Variants in ANKRD13B observed in about 807,000 individuals in gnomAD.
ANKRD13B encodes the protein ankyrin repeat domain-containing protein 13B.
ANKRD13B carries 33 observed loss-of-function variants against 74.4 expected under a neutral mutation model. The ratio of observed to expected loss-of-function variants is 0.44; its 90% CI spans 0.34 to 0.59. The LOEUF is 0.59. Among genes scored for constraint, ANKRD13B ranks in the 20% least tolerant of loss-of-function variants. ANKRD13B has a pLI of 0.02. For missense variants in ANKRD13B, 676 were observed against 877.9 expected, an observed-to-expected ratio of 0.77 and a Z score of 2.91; for synonymous variants, 341 against 362.9, an observed-to-expected ratio of 0.94 and a Z score of 0.68.
chr17:29,600,393 C>G (rs1031069709), intron 1 of ANKRD13B, among the ~76,000 whole-genome samples: 1 of 152,130 alleles, frequency 6.6e-6, no homozygotes, highest in Non-Finnish European at 1.5e-5. Context: ...ACTTCCTACT[C>G]GGGTAGATAG....
rs567496901 is a variant in ANKRD13B at position 29,609,969 on chromosome 17, G to A, written c.822+548G>A. On this transcript the variant is annotated intron_variant, in intron 7 of 14. Transcript: ENST00000394859. This position sits in a 1 kb window ranked among gnomAD's most constrained non-coding sequence, Gnocchi z 4.0. ...AGCGCTTTGGGAGGCCGAGGTGAGC[G>A]GATCACCTGAGGTCAGTTCGAGACC... Among the ~76,000 whole-genome samples, 2 of 152,184 alleles carry A rather than the reference G, an allele frequency of 1.3e-5. No homozygotes were observed. Among genetic ancestry groups the A allele is most frequent in the South Asian group, 2.1e-4 (1 of 4,812 alleles).
chr17:29,609,077 G>A lies in ANKRD13B; in HGVS notation c.566-9G>A, dbSNP rs753574234. On this transcript the variant is annotated splice_polypyrimidine_tract_variant and intron_variant, in intron 5 of 14. Transcript: ENST00000394859. This position sits in a 1 kb window ranked among gnomAD's most constrained non-coding sequence, Gnocchi z 4.0. ...CCCTGATCCCCCTGTGCTGTTCCGT[G>A]TCTGGCAGACACAAGCGCCGTGGTC... The A allele has an allele frequency of 3.7e-6, 6 of 1,610,982 alleles. No homozygotes were observed. The highest frequency in any genetic ancestry group is 1.3e-5 in the African/African-American group (1 of 74,936).
Position 29,610,668 on chromosome 17 carries a change from T to A in ANKRD13B, c.823-17T>A, listed in dbSNP as rs370348552. ...AGACCAGAACTGCTTATGAGCCCTT[T>A]CTTCATCTGTCCCCAGGTGTATGGG... On this transcript the variant is annotated splice_polypyrimidine_tract_variant and intron_variant, in intron 7 of 14. Transcript: ENST00000394859. 186 of 1,613,242 alleles carry A rather than the reference T, an allele frequency of 1.2e-4. 1 individual carries two copies. Among genetic ancestry groups the A allele is most frequent in the South Asian group, 9.2e-4 (84 of 90,892 alleles).
In ANKRD13B at chr17:29,612,994, C is replaced by A; in HGVS notation, c.1652+31C>A. ...TGCCCGCTGGGCCGGAGAGAATCCT[C>A]CGGAGAGGATCCTGTCTCCCCTAAG... is the stretch of plus-strand genomic sequence containing the variant. On this transcript the variant is annotated intron_variant, in intron 14 of 14. Transcript: ENST00000394859. This position sits in a 1 kb window ranked among gnomAD's most constrained non-coding sequence, Gnocchi z 6.1. 6.3e-7 allele frequency: 1 copy of A among 1,585,340 alleles called. No individual in the cohort carries two copies. Among genetic ancestry groups the A allele is most frequent in the East Asian group, 2.3e-5 (1 of 44,094 alleles).
chr17:29,600,050 G>T (rs1030257333), intron 1 of ANKRD13B, among the ~76,000 whole-genome samples: 1 of 151,654 alleles, frequency 6.6e-6, no homozygotes, highest in African/African-American at 2.4e-5. Context: ...CTAATTTTTT[G>T]TATTTTTAGT....
intron 1 of ANKRD13B, among the ~76,000 whole-genome samples, chr17:29,606,532 T>G (rs576428698): frequency 5.3e-5 from 8 of 151,824 alleles, no homozygotes; most frequent in African/African-American, 1.9e-4. Context: ...CACTCTAGCC[T>G]GGGTGACACA....
intron 1 of ANKRD13B, 77 bp downstream of exon 1, chr17:29,593,812 G>A: frequency 4.7e-6 from 4 of 857,862 alleles, no homozygotes; most frequent in Non-Finnish European, 6.3e-6. Flanking sequence ...GGTGCGGCGC[G>A]GGCTGTCCCG....
intron 1 of ANKRD13B, among the ~76,000 whole-genome samples, chr17:29,603,094 C>T (rs2034240427): frequency 6.6e-6 from 1 of 152,232 alleles, no homozygotes; most frequent in Non-Finnish European, 1.5e-5. Context: ...TGTGATCCAC[C>T]CGCCTTGGCC....
chr17:29,603,926 G>A lies in ANKRD13B; in HGVS notation c.115-3816G>A, dbSNP rs185497920. On this transcript the variant is annotated intron_variant, in intron 1 of 14. Coordinates refer to ENST00000394859, the MANE Select transcript of ANKRD13B (RefSeq NM_152345.5). ...AGTCTCTCTCTCTGTTGCCCAGGCT[G>A]GAGTGCAGGGGCGCCATCTCGGCTC... is the stretch of plus-strand genomic sequence containing the variant. 7.5e-5 allele frequency among the ~76,000 whole-genome samples: 11 copies of A among 146,596 alleles called. No individual in the cohort carries two copies. The East Asian group carries it at 2.2e-3, about 30-fold the overall frequency.
In ANKRD13B at chr17:29,603,055, T is replaced by C. The variant is rs553994971; in HGVS notation, c.115-4687T>C. ...TAGTAAAAATGGGGTTTCACCATAT[T>C]GGCCAGGCTGGTCTCAAACTCCTGA... On this transcript the variant is annotated intron_variant, in intron 1 of 14. Transcript: ENST00000394859. Among the ~76,000 whole-genome samples, 11 of 152,272 alleles carry C rather than the reference T, an allele frequency of 7.2e-5. No individual in the cohort carries two copies. The South Asian group carries it at 2.1e-3, about 29-fold the overall frequency.
Position 29,608,210 on chromosome 17 carries a change from G to A in ANKRD13B, c.391G>A (p.Val131Met), listed in dbSNP as rs774030034. 2 of 1,614,170 alleles carry A rather than the reference G, an allele frequency of 1.2e-6. No homozygotes were observed. The highest frequency in any genetic ancestry group is 1.1e-5 in the South Asian group (1 of 91,072). Reference protein sequence around the residue: ...EKLRKAQDFYVEMKWEFTSWV... With the variant: ...EKLRKAQDFYMEMKWEFTSWV... ...CGTCCTCCAGGCCCAGGACTTCTAC[G>A]TGGAGATGAAATGGGAGTTCACTAG... Residue 131 changes from valine to methionine, a missense_variant, in exon 4 of 15, where the codon GTG (valine) becomes ATG (methionine). Val to Met is a conservative substitution (Grantham distance 21). This residue lies in a region of ANKRD13B where 328 missense variants were observed against 518.4 expected (regional missense o/e 0.63). Transcript: ENST00000394859. The surrounding 1 kb of genome is among the most constrained non-coding windows in gnomAD (Gnocchi z 6.4).
chr17:29,612,125 C>G lies in ANKRD13B; in HGVS notation c.1110C>G (p.Ala370=). 1 of 1,614,028 alleles carries G rather than the reference C, an allele frequency of 6.2e-7. No individual in the cohort carries two copies. The highest frequency in any genetic ancestry group is 8.5e-7 in the Non-Finnish European group (1 of 1,179,964). Residue 370 remains alanine (A), a synonymous_variant, in exon 11 of 15, where the codon GCC becomes GCG. Coordinates refer to ENST00000394859, the MANE Select transcript of ANKRD13B (RefSeq NM_152345.5). This position sits in a 1 kb window ranked among gnomAD's most constrained non-coding sequence, Gnocchi z 6.1. ...ELTTKTQKFK[A]KLWLCEEHPL... Reference sequence around the variant, plus strand: ...GATCTGGTGGGGGCAGGTTCAAGGCCAAGCTGTGGCTGTGTGAGGAGCATC... The same window carrying G: ...GATCTGGTGGGGGCAGGTTCAAGGCGAAGCTGTGGCTGTGTGAGGAGCATC...
rs575216103 is a variant in ANKRD13B, at chr17:29,611,127, C to T, written c.904+361C>T. ...GGGACCTTGCCACAGATTCTGTATG[C>T]CCATTGATGCCACACCTGATTCTCT... On this transcript the variant is annotated intron_variant, in intron 8 of 14. Transcript: ENST00000394859. This position sits in a 1 kb window ranked among gnomAD's most constrained non-coding sequence, Gnocchi z 4.3. Among the ~76,000 whole-genome samples the T allele has an allele frequency of 6.6e-6, 1 of 152,168 alleles. No homozygotes were observed. Among genetic ancestry groups the T allele is most frequent in the Non-Finnish European group, 1.5e-5 (1 of 68,038 alleles).
intron 1 of ANKRD13B, among the ~76,000 whole-genome samples, chr17:29,601,594 G>T (rs1346377920): frequency 6.6e-6 from 1 of 151,994 alleles, no homozygotes; most frequent in Admixed American, 6.6e-5. Flanking sequence ...TTTCTATCTG[G>T]GATCATTTTC....
chr17:29,610,191 A>G (rs750876478), intron 7 of ANKRD13B, among the ~76,000 whole-genome samples: 24 of 123,236 alleles, frequency 1.9e-4, no homozygotes, highest in Non-Finnish European at 3.4e-4. Context: ...GACTCCATCT[A>G]AAAAAAAAAA....
intron 1 of ANKRD13B, among the ~76,000 whole-genome samples, chr17:29,604,387 T>C (rs965781503): frequency 6.6e-6 from 1 of 151,998 alleles, no homozygotes; most frequent in Admixed American, 6.5e-5. Context: ...TTTTGTATTT[T>C]TTGTAGACAT....
At position 29,609,287 on chromosome 17, in the gene ANKRD13B, T is replaced by C. The variant is rs778211551; in HGVS notation, c.755+12T>C. 6.2e-7 allele frequency: 1 copy of C among 1,613,064 alleles called. No homozygotes were observed. The highest frequency in any genetic ancestry group is 8.5e-7 in the Non-Finnish European group (1 of 1,179,650). On this transcript the variant is annotated intron_variant, in intron 6 of 14. Coordinates refer to ENST00000394859, the MANE Select transcript of ANKRD13B (RefSeq NM_152345.5). The surrounding 1 kb of genome is among the most constrained non-coding windows in gnomAD (Gnocchi z 4.0). ...ATCTCCTTTGAGAGGTGGGTGGACA[T>C]GGCCTTGGTCACCCTTGAGCCAGCC...
At chr17:29,596,009 C>G (rs1053275752) in intron 1 of ANKRD13B, among the ~76,000 whole-genome samples, 1 of 152,178 alleles carries the variant, frequency 6.6e-6, no homozygotes, top group Non-Finnish European at 1.5e-5. Context: ...ACTGTGGAAC[C>G]CTGGCATCCC....
Position 29,609,047 on chromosome 17 carries a change from G to A in ANKRD13B, c.566-39G>A. 7.4e-6 allele frequency: 12 copies of A among 1,612,674 alleles called. No individual in the cohort carries two copies. The highest frequency in any genetic ancestry group is 9.3e-6 in the Non-Finnish European group (11 of 1,179,918). ...TGGGGACGATGGGAGGCAGCCCCAG[G>A]CCACCCCTGATCCCCCTGTGCTGTT... On this transcript the variant is annotated intron_variant, in intron 5 of 14. Transcript: ENST00000394859. This position sits in a 1 kb window ranked among gnomAD's most constrained non-coding sequence, Gnocchi z 4.0.
Sources: allele counts gnomAD v4.1 joint callset (sites outside exome capture counted in the v4.1 genomes callset), GRCh38; gene constraint gnomAD v4.1.1; regional missense constraint gnomAD v4.1.1; non-coding constraint Gnocchi (gnomAD v3.1); transcripts MANE v1.5; gene names NCBI Gene and HGNC (gene_info 2026-07-23, HGNC 2026-07-21).